The following PPP6R2 variants were observed in gnomAD, a reference collection of about 807,000 sequenced individuals.
PPP6R2 encodes protein phosphatase 6 regulatory subunit 2.
PPP6R2 carries 62 observed loss-of-function variants against 100.2 expected under a neutral mutation model. The ratio of observed to expected loss-of-function variants is 0.62; its 90% CI spans 0.50 to 0.76. The LOEUF is 0.76. Among genes scored for constraint, PPP6R2 ranks in the 30% least tolerant of loss-of-function variants. The probability of loss-of-function intolerance (pLI) is 0.00; values close to 1 mark genes in which losing one functional copy is unlikely to be tolerated. For missense variants in PPP6R2, 1,142 were observed against 1,276.3 expected (o/e 0.89, Z 1.60); for synonymous variants, 525 against 514.7 (o/e 1.02, Z -0.27).
At chr22:50,394,617 A>G (rs1272789330) in intron 3 of PPP6R2, among the ~76,000 whole-genome samples, 2 of 150,120 alleles carry the variant, frequency 1.3e-5, no homozygotes, top group African/African-American at 4.9e-5. Context: ...AAAAAAAAAA[A>G]AAAAAAAGGC....
intron 22 of PPP6R2, 173 bp from the exon 23 acceptor site, chr22:50,443,693 A>T: frequency 1.3e-6 from 1 of 769,408 alleles, no homozygotes; most frequent in Non-Finnish European, 2.0e-6. Context: ...GGGGCAGCAG[A>T]GCTGCCTAGC....
chr22:50,393,588 G>T (rs2056112549), intron 2 of PPP6R2: 1 of 971,726 alleles, frequency 1.0e-6, no homozygotes, highest in South Asian at 4.8e-5. Flanking sequence ...GGAGAACCTG[G>T]GGAGGCAGGT....
chr22:50,370,478 G>A (rs1039462835), intron 1 of PPP6R2, among the ~76,000 whole-genome samples: 8 of 151,402 alleles, frequency 5.3e-5, no homozygotes, highest in Middle Eastern at 3.4e-3. Flanking sequence ...TAGTAGAGAT[G>A]GGGTTTCACT....
At chr22:50,419,555 GT>G in intron 8 of PPP6R2, 93 bp downstream of exon 8, 4 of 895,116 alleles carry the variant, frequency 4.5e-6, no homozygotes, top group African/African-American at 1.7e-5. Flanking sequence ...GTCATTTGTG[GT>G]TTTAATTTTT....
upstream of PPP6R2, among the ~76,000 whole-genome samples, chr22:50,340,221 TGTGTATGGTATGTGGTGTGTGTG>T (rs1386178490): frequency 1.2e-5 from 1 of 80,874 alleles, no homozygotes; most frequent in Non-Finnish European, 2.8e-5. Flanking sequence ...TGGTATGTGG[TGTGTATGGTATGTGGTGTGTGTG>T]GTGTGTGTGG....
chr22:50,384,630 G>A (rs1021827967), intron 2 of PPP6R2, among the ~76,000 whole-genome samples: 6 of 152,266 alleles, frequency 3.9e-5, no homozygotes, highest in Non-Finnish European at 7.3e-5. Context: ...GGCATATCTG[G>A]TGGGGGCCTT....
intron 1 of PPP6R2, among the ~76,000 whole-genome samples, chr22:50,354,758 C>G (rs1034886579): frequency 1.3e-5 from 2 of 152,054 alleles, no homozygotes; most frequent in Non-Finnish European, 2.9e-5. Flanking sequence ...CGAGATCATG[C>G]TACTGCACTC....
At chr22:50,375,402 A>G (rs1363828074) in intron 2 of PPP6R2, among the ~76,000 whole-genome samples, 8 of 152,210 alleles carry the variant, frequency 5.3e-5, no homozygotes, top group Non-Finnish European at 1.0e-4. Flanking sequence ...GCATTTGCTC[A>G]TGTGGACAAA....
At chr22:50,439,185 G>T (rs1368702342) in intron 19 of PPP6R2, among the ~76,000 whole-genome samples, 2 of 152,206 alleles carry the variant, frequency 1.3e-5, no homozygotes, top group East Asian at 1.9e-4. Context: ...TCCTTACCCT[G>T]CCCTGGGGGC....
At chr22:50,371,478 A>G (rs1569316971) in intron 1 of PPP6R2, among the ~76,000 whole-genome samples, 1 of 152,138 alleles carries the variant, frequency 6.6e-6, no homozygotes, top group Non-Finnish European at 1.5e-5. Flanking sequence ...CCTGGGCAGC[A>G]TAGTGAGACC....
chr22:50,432,179 C>A (rs2063282770), intron 11 of PPP6R2, 86 bp from the exon 12 acceptor site: 1 of 1,281,464 alleles, frequency 7.8e-7, no homozygotes, highest in Admixed American at 2.0e-5. Flanking sequence ...GGCCGCCAGC[C>A]AGCCCTGCCC....
intron 1 of PPP6R2, among the ~76,000 whole-genome samples, chr22:50,349,662 C>T (rs2044568115): frequency 6.6e-6 from 1 of 151,560 alleles, no homozygotes; most frequent in Non-Finnish European, 1.5e-5. Flanking sequence ...CCCGTCTTTA[C>T]TAAAAATACA....
intron 10 of PPP6R2, among the ~76,000 whole-genome samples, chr22:50,430,892 GAATA>G: frequency 8.2e-6 from 1 of 121,542 alleles, no homozygotes; most frequent in African/African-American, 2.9e-5. Context: ...AAAAAAAAAA[GAATA>G]AACCCGCAGA....
At chr22:50,368,539 C>G (rs1035993970) in intron 1 of PPP6R2, among the ~76,000 whole-genome samples, 2 of 152,180 alleles carry the variant, frequency 1.3e-5, no homozygotes, top group East Asian at 3.8e-4. Context: ...ATGCTACAAA[C>G]TAATGATTAA....
At chr22:50,407,017 T>C in intron 4 of PPP6R2, 142 bp downstream of exon 4, 4 of 888,766 alleles carry the variant, frequency 4.5e-6, no homozygotes, top group South Asian at 3.1e-5. Context: ...CGTGGAGCAG[T>C]GTGTGGGTTT....
chr22:50,370,097 ATAAT>A (rs1267598436), intron 1 of PPP6R2, among the ~76,000 whole-genome samples: 1 of 151,976 alleles, frequency 6.6e-6, no homozygotes, highest in African/African-American at 2.4e-5. Flanking sequence ...TAGAGAAAAC[ATAAT>A]TAACATCTAT....
intron 6 of PPP6R2, among the ~76,000 whole-genome samples, chr22:50,416,612 TG>T (rs1322327142): frequency 6.6e-6 from 1 of 151,894 alleles, no homozygotes; most frequent in East Asian, 2.0e-4. Flanking sequence ...GTTACAGGAG[TG>T]AGCCACCATG....
chr22:50,408,663 C>G (rs935138876), intron 4 of PPP6R2, among the ~76,000 whole-genome samples: 4 of 152,180 alleles, frequency 2.6e-5, no homozygotes, highest in Non-Finnish European at 5.9e-5. Context: ...AGCCCAGTGA[C>G]TAGATGCATG....
intron 2 of PPP6R2, among the ~76,000 whole-genome samples, chr22:50,377,826 G>A (rs1335623657): frequency 1.3e-5 from 2 of 152,056 alleles, no homozygotes; most frequent in African/African-American, 4.8e-5. Flanking sequence ...GGCCAGCATG[G>A]TGAAACCCTG....
Sources: allele counts gnomAD v4.1 joint callset (sites outside exome capture counted in the v4.1 genomes callset), GRCh38; gene constraint gnomAD v4.1.1; transcripts MANE v1.5; gene names NCBI Gene and HGNC (gene_info 2026-07-23, HGNC 2026-07-21).